ARHGAP9: variants seen among roughly 807,000 people sequenced by gnomAD.
ARHGAP9 encodes the protein rho GTPase-activating protein 9.
Under a neutral mutation model 87.3 loss-of-function variants are expected in ARHGAP9, and 76 were observed. That is an observed-to-expected ratio of 0.87 (90% CI 0.72 to 1.05). The LOEUF (loss-of-function observed/expected upper bound fraction) is 1.05. Ranked by LOEUF, ARHGAP9 falls within the 50% of genes least tolerant of loss-of-function variation. ARHGAP9 has a pLI of 0.00. For missense variants in ARHGAP9, 941 were observed against 960.5 expected (o/e 0.98, Z 0.27); for synonymous variants, 382 against 394.9 (o/e 0.97, Z 0.39).
chr12:57,475,894 G>T lies in ARHGAP9; in HGVS notation c.1250C>A (p.Ser417Ter), dbSNP rs2139917145. Residue 417 changes from serine (S) to a stop codon, truncating the protein, a stop_gained, in exon 10 of 18, where the codon TCG becomes TAG. Coordinates refer to ENST00000393791, the MANE Select transcript of ARHGAP9 (RefSeq NM_032496.4). LOFTEE classifies it high-confidence loss of function. The stretch of plus-strand genomic sequence containing the variant: ...GGCTCGCAGCTCTGTCTCGTGGTCC[G>T]ACTGCAGCAGGAACTCGTGGCCAGG... ...TIPGHEFLLQ[S>*]DHETELRAWH... The T allele has an allele frequency of 6.2e-7, 1 of 1,613,774 alleles. No individual in the cohort carries two copies. The highest frequency in any genetic ancestry group is 2.2e-5 in the East Asian group (1 of 44,858).
In ARHGAP9 at chr12:57,476,386, G is replaced by T. The variant is rs1873683533; in HGVS notation, c.1094C>A (p.Pro365Gln). 6.2e-7 allele frequency: 1 copy of T among 1,613,992 alleles called. No homozygotes were observed. The highest frequency in any genetic ancestry group is 2.2e-5 in the East Asian group (1 of 44,874). The change falls in exon 8 of 18, where the codon CCG (proline) becomes CAG (glutamine). Residue 365 changes from proline to glutamine, a missense_variant. Physicochemically the swap from Pro to Gln is moderately conservative, Grantham distance 76. Coordinates refer to ENST00000393791, the MANE Select transcript of ARHGAP9 (RefSeq NM_032496.4). ...CACCCAGCCTGAGGAGGGCGCTGTC[G>T]GCGGTGGCTCTCGGTAGAACACCAG... ...NSLVFYREPP[P>Q]TAPSSGWGPA...
upstream of ARHGAP9, chr12:57,480,231 G>A: frequency 1.6e-6 from 1 of 642,640 alleles, no homozygotes; most frequent in African/African-American, 2.0e-5. Flanking sequence ...CCCCAGGCTG[G>A]AGTGTGATGG....
rs778910752 is a variant in ARHGAP9 at position 57,479,386 on chromosome 12, C to T, written c.21G>A (p.Trp7Ter). The T allele has an allele frequency of 6.2e-7, 1 of 1,613,266 alleles. No individual in the cohort carries two copies. The highest frequency in any genetic ancestry group is 1.1e-5 in the South Asian group (1 of 91,074). Residue 7 changes from tryptophan to a stop codon, truncating the protein, a stop_gained, in exon 2 of 18, where the codon TGG (tryptophan) becomes TGA (stop). Transcript: ENST00000393791. LOFTEE classifies it high-confidence loss of function. ...GCCCTAGGATCCCCCAGGAACTTGG[C>T]CACCACCGGCTGGATAGCATTGTAG... The part of the protein sequence containing the change: MLSSRW[W>*]PSSWGILGLG...
Position 57,474,922 on chromosome 12 carries a change from G to A in ARHGAP9, c.1604C>T (p.Thr535Met). 2 of 1,614,136 alleles carry A rather than the reference G, an allele frequency of 1.2e-6. No individual in the cohort carries two copies. Among genetic ancestry groups the A allele is most frequent in the Non-Finnish European group, 1.7e-6 (2 of 1,180,032 alleles). Residue 535 changes from threonine (T) to methionine (M), a missense_variant, in exon 13 of 18, where the codon ACG becomes ATG. Physicochemically the swap from Thr to Met is moderately conservative, Grantham distance 81. Coordinates refer to ENST00000393791, the MANE Select transcript of ARHGAP9 (RefSeq NM_032496.4). ...LESLCQREGD[T>M]VPSFLRLCIA... ...GCAGAGCCGCAAAAAGCTGGGCACC[G>A]TGTCTCCTTCCCGCTGGCAGAGTGA...
In ARHGAP9 at chr12:57,472,636, C is replaced by A; in HGVS notation, c.2077G>T (p.Val693Leu). The A allele has an allele frequency of 6.2e-7, 1 of 1,614,248 alleles. No individual in the cohort carries two copies. The highest frequency in any genetic ancestry group is 8.5e-7 in the Non-Finnish European group (1 of 1,180,054). ...NRMTPHNLGIVFGPTLFRPEQ... is the reference protein window; with the variant it reads ...NRMTPHNLGILFGPTLFRPEQ... ...GGCCGAAACAGGGTTGGTCCAAACACAATTCCCAGGTTGTGGGGTGTCATG... is the reference window on the plus strand; with the variant it reads ...GGCCGAAACAGGGTTGGTCCAAACAAAATTCCCAGGTTGTGGGGTGTCATG... The change falls in exon 18 of 18, where the codon GTG becomes TTG. Residue 693 changes from valine to leucine, a missense_variant. Val to Leu is a conservative substitution (Grantham distance 32, BLOSUM62 1). Transcript: ENST00000393791.
intron 1 of ARHGAP9, among the ~76,000 whole-genome samples, chr12:57,485,566 A>AC (rs1555164798): frequency 2.7e-5 from 4 of 150,640 alleles, no homozygotes; most frequent in South Asian, 2.1e-4. Context: ...GAAAAAAAAA[A>AC]AAAACAAAAA....
upstream of ARHGAP9, among the ~76,000 whole-genome samples, chr12:57,483,522 T>A (rs1169852037): frequency 1.3e-5 from 2 of 152,222 alleles, no homozygotes; most frequent in East Asian, 3.8e-4. Context: ...CATTTTATAA[T>A]GTCATTTACA....
At position 57,477,491 on chromosome 12, in the gene ARHGAP9, A is replaced by C; in HGVS notation, c.724T>G (p.Trp242Gly). 1 of 1,614,128 alleles carries C rather than the reference A, an allele frequency of 6.2e-7. No homozygotes were observed. The highest frequency in any genetic ancestry group is 8.5e-7 in the Non-Finnish European group (1 of 1,179,998). ...YINSLTGCKSWKPPRRSRSET... is the reference protein window; with the variant it reads ...YINSLTGCKSGKPPRRSRSET... Reference sequence around the variant, plus strand: ...CTGCGACTGCGGCGCGGGGGCTTCCAGGACTTGCAGCCAGTCAGTGAATTT... The same window carrying C: ...CTGCGACTGCGGCGCGGGGGCTTCCCGGACTTGCAGCCAGTCAGTGAATTT... Residue 242 changes from tryptophan to glycine, a missense_variant, in exon 4 of 18, where the codon TGG becomes GGG. Trp to Gly is a radical substitution (Grantham distance 184, BLOSUM62 -2). Coordinates refer to ENST00000393791, the MANE Select transcript of ARHGAP9 (RefSeq NM_032496.4).
rs1167986352 is a variant in ARHGAP9, at chr12:57,475,562, C to G, written c.1365G>C (p.Leu455=). 3.7e-6 allele frequency: 6 copies of G among 1,610,412 alleles called. No homozygotes were observed. Among genetic ancestry groups the G allele is most frequent in the Middle Eastern group, 1.7e-4 (1 of 6,040 alleles). ...CCTCTTCTTCGTCCTCCCCGGCGCT[C>G]AGCTCCGCGGGTCCAGAGCCCGACA... ...LRLSGSGPAE[L]SAGEDEEEES... is the part of the protein sequence containing the mutation. Residue 455 remains leucine, a synonymous_variant, in exon 11 of 18, where the codon CTG becomes CTC. Coordinates refer to ENST00000393791, the MANE Select transcript of ARHGAP9 (RefSeq NM_032496.4).
Position 57,475,057 on chromosome 12 carries a change from A to C in ARHGAP9, c.1553-84T>G, listed in dbSNP as rs1265180989. The C allele has an allele frequency of 2.1e-6, 3 of 1,417,344 alleles. No homozygotes were observed. In the African/African-American group the frequency reaches 4.2e-5, roughly 20 times the overall value. The allele number at this position is 1,417,344 out of a possible 1,614,324, so 87.8% of individuals were successfully genotyped here. ...CAGCATAGGTCTTTATCCTTAAGTG[A>C]GGCTGGTCCTCCTGGCTGCCTGTGC... On this transcript the variant is annotated intron_variant, in intron 12 of 17. Transcript: ENST00000393791.
intron 11 of ARHGAP9, 25 bp downstream of exon 11, chr12:57,475,458 T>C (rs527226): frequency 1 from 1,578,068 of 1,580,716 alleles, 787,738 homozygotes; most frequent in East Asian, 1. Flanking sequence ...GCTCCCGGAC[T>C]CTCCCTCCCC....
At chr12:57,482,097 A>G (rs1875054549), upstream of ARHGAP9, among the ~76,000 whole-genome samples, 1 of 152,124 alleles carries the variant, frequency 6.6e-6, no homozygotes, top group Admixed American at 6.5e-5. Flanking sequence ...CAATACCACT[A>G]TTTAGTTTAA....
At chr12:57,485,909 T>C (rs1293805775) in intron 1 of ARHGAP9, among the ~76,000 whole-genome samples, 2 of 152,132 alleles carry the variant, frequency 1.3e-5, no homozygotes, top group Non-Finnish European at 2.9e-5. Flanking sequence ...TAAGGATGAC[T>C]GGAATGCTGG....
At chr12:57,481,150 C>T (rs1191694328), upstream of ARHGAP9, among the ~76,000 whole-genome samples, 4 of 152,294 alleles carry the variant, frequency 2.6e-5, no homozygotes, top group African/African-American at 2.4e-5. Context: ...TTAGCTTCGT[C>T]GCATTCACTT....
chr12:57,474,300 G>A, intron 15 of ARHGAP9, 123 bp downstream of exon 15: 2 of 1,573,162 alleles, frequency 1.3e-6, no homozygotes, highest in Non-Finnish European at 1.7e-6. Context: ...GTCTGCAGTG[G>A]GGCAAGGTAG....
chr12:57,475,669 C>G, intron 10 of ARHGAP9, 54 bp from the exon 11 acceptor site: 2 of 1,581,812 alleles, frequency 1.3e-6, no homozygotes, highest in South Asian at 2.3e-5. Flanking sequence ...ATCTGTATCC[C>G]TAGCTGGACT....
chr12:57,476,989 G>T (rs767587127), intron 5 of ARHGAP9, 26 bp from the exon 6 acceptor site: 3 of 1,610,206 alleles, frequency 1.9e-6, no homozygotes, highest in Admixed American at 3.3e-5. Flanking sequence ...GGAGAAACAG[G>T]TGGGGAAACG....
Position 57,472,422 on chromosome 12 carries a change from T to C in ARHGAP9, c.*95A>G. On this transcript the variant is annotated 3_prime_UTR_variant, in exon 18 of 18. Coordinates refer to ENST00000393791, the MANE Select transcript of ARHGAP9 (RefSeq NM_032496.4). ...ACACTCATGAAGATAGAGACAGTCA[T>C]TTGGGAGATTTAAAGGGATATCCTC... 7.1e-7 allele frequency: 1 copy of C among 1,406,158 alleles called. No individual in the cohort carries two copies. The highest frequency in any genetic ancestry group is 9.5e-7 in the Non-Finnish European group (1 of 1,051,632). 87.1% of individuals were successfully genotyped at this position (1,406,158 alleles called of 1,614,324 possible).
chr12:57,476,057 G>A lies in ARHGAP9; in HGVS notation c.1212+14C>T, dbSNP rs1395004885. ...GTCGGGTGGGGCCTTGGGGACGCGC[G>A]GGAGGGCGCTCACGTGCAGGACGTT... On this transcript the variant is annotated intron_variant, in intron 9 of 17. Transcript: ENST00000393791. 2 of 1,518,512 alleles carry A rather than the reference G, an allele frequency of 1.3e-6. No individual in the cohort carries two copies. The highest frequency in any genetic ancestry group is 8.8e-7 in the Non-Finnish European group (1 of 1,133,740). 94.1% of individuals were successfully genotyped at this position (1,518,512 alleles called of 1,614,324 possible).
Sources: gnomAD v4.1 joint callset for allele counts (sites outside exome capture counted in the v4.1 genomes callset) on GRCh38, gnomAD v4.1.1 for gene constraint, MANE v1.5 for transcripts, NCBI Gene and HGNC (gene_info 2026-07-23, HGNC 2026-07-21) for gene names.